The following INSL6 variants were observed in gnomAD, a reference collection of about 807,000 sequenced individuals.
INSL6 encodes insulin like 6.
INSL6 carries 16 observed loss-of-function variants against 9.4 expected under a neutral mutation model. The observed-to-expected ratio is 1.70, with a 90% confidence interval of 1.15 to 2.59. The LOEUF (loss-of-function observed/expected upper bound fraction) is 2.59. Among genes scored for constraint, INSL6 ranks in the 30% most tolerant of loss-of-function variants. The pLI is 0.00. For synonymous variants in INSL6, 154 were observed against 96.9 expected (o/e 1.59, Z -3.46); for missense variants, 391 against 257.3 (o/e 1.52, Z -3.56).
the INSL6 span, among the ~76,000 whole-genome samples, chr9:5,023,305 G>A: frequency 6.6e-6 from 1 of 152,160 alleles, no homozygotes; most frequent in African/African-American, 2.4e-5. Context: ...ATGACCTTCA[G>A]TTCCATCCAT....
chr9:5,022,270 A>G, the INSL6 span: 6 of 1,147,150 alleles, frequency 5.2e-6, no homozygotes, highest in Admixed American at 1.8e-5. Context: ...TAATTATGCT[A>G]TGCTAATACT....
the INSL6 span, among the ~76,000 whole-genome samples, chr9:5,064,158 C>T: frequency 4.9e-3 from 734 of 150,136 alleles, 8 homozygotes; most frequent in African/African-American, 0.017. Context: ...TCTGACTGGG[C>T]GGGGGCCACA....
At chr9:5,167,926 G>A (rs1400367933) in intron 1 of INSL6, among the ~76,000 whole-genome samples, 1 of 152,148 alleles carries the variant, frequency 6.6e-6, no homozygotes, top group Non-Finnish European at 1.5e-5. Flanking sequence ...TGGGGTGGAA[G>A]AAACCAAGGT....
chr9:5,172,617 A>C (rs1237244756), intron 1 of INSL6, among the ~76,000 whole-genome samples: 2 of 152,204 alleles, frequency 1.3e-5, no homozygotes, highest in Non-Finnish European at 2.9e-5. Context: ...TTTACAAGAA[A>C]AAACAAACAA....
At chr9:5,059,532 A>G in the INSL6 span, among the ~76,000 whole-genome samples, 4 of 152,118 alleles carry the variant, frequency 2.6e-5, no homozygotes, top group South Asian at 2.1e-4. Context: ...ATTCTTATAC[A>G]TATTTTTTGG....
At chr9:4,996,741 T>G in the INSL6 span, among the ~76,000 whole-genome samples, 1 of 152,118 alleles carries the variant, frequency 6.6e-6, no homozygotes, top group Admixed American at 6.5e-5. Context: ...GTAAGTATTC[T>G]GCGATAATTG....
chr9:5,084,953 G>A, the INSL6 span: 9 of 660,736 alleles, frequency 1.4e-5, no homozygotes, highest in East Asian at 3.9e-4. Context: ...AAAATTCTTA[G>A]GCACAGTCTG....
chr9:5,105,738 G>A, the INSL6 span, among the ~76,000 whole-genome samples: 1 of 152,162 alleles, frequency 6.6e-6, no homozygotes, highest in East Asian at 1.9e-4. Context: ...GAACAGAACA[G>A]AGGCCTCAGA....
the INSL6 span, chr9:5,077,612 CTATTT>C: frequency 7.3e-7 from 1 of 1,367,812 alleles, no homozygotes; most frequent in Non-Finnish European, 9.7e-7. Flanking sequence ...TCAAAAGATA[CTATTT>C]TATTTTATAA....
the INSL6 span, among the ~76,000 whole-genome samples, chr9:4,993,266 A>G: frequency 6.6e-6 from 1 of 152,202 alleles, no homozygotes; most frequent in Non-Finnish European, 1.5e-5. Context: ...GAAAGGATCT[A>G]TGAGGTACTG....
the INSL6 span, among the ~76,000 whole-genome samples, chr9:5,080,892 C>CTTTTTTTT: frequency 3.1e-5 from 3 of 95,586 alleles, no homozygotes; most frequent in Non-Finnish European, 3.9e-5. Flanking sequence ...AAGACCTTTT[C>CTTTTTTTT]TTTTTTTTTT....
At chr9:5,103,500 T>A in the INSL6 span, among the ~76,000 whole-genome samples, 1 of 152,100 alleles carries the variant, frequency 6.6e-6, no homozygotes, top group Admixed American at 6.5e-5. Context: ...CTGTCAATAA[T>A]AGACAGATCA....
chr9:5,142,300 G>C (rs368928759), intron 2 of INSL6, among the ~76,000 whole-genome samples: 1 of 152,204 alleles, frequency 6.6e-6, no homozygotes, highest in South Asian at 2.1e-4. Flanking sequence ...AGATTGCTTT[G>C]GGCAGTAGGG....
the INSL6 span, chr9:5,110,198 C>T: frequency 1.3e-5 from 2 of 152,244 alleles, no homozygotes; most frequent in African/African-American, 4.8e-5. Flanking sequence ...CAGCCTCAGC[C>T]CTGCTCCACT....
chr9:5,112,983 C>G, the INSL6 span: 1 of 188,656 alleles, frequency 5.3e-6, no homozygotes, highest in East Asian at 1.2e-4. Flanking sequence ...CAACACCGAC[C>G]TGATGAGGCT....
At chr9:5,086,878 A>G in the INSL6 span, among the ~76,000 whole-genome samples, 27 of 152,300 alleles carry the variant, frequency 1.8e-4, no homozygotes, top group South Asian at 1.9e-3. Context: ...AAGCGCGTTT[A>G]AATGTTCATA....
At chr9:5,085,584 A>C in the INSL6 span, 1 of 689,132 alleles carries the variant, frequency 1.5e-6, no homozygotes, top group South Asian at 1.6e-5. Flanking sequence ...TTTGTGCCCC[A>C]CCTATAGATA....
chr9:5,132,607 A>T (rs558982508), intron 3 of INSL6, among the ~76,000 whole-genome samples: 63 of 152,284 alleles, frequency 4.1e-4, no homozygotes, highest in Middle Eastern at 3.4e-3. Context: ...TTCTACATAG[A>T]CATTCACCCA....
downstream of INSL6, among the ~76,000 whole-genome samples, chr9:5,123,302 A>G (rs765681524): frequency 6.6e-6 from 1 of 151,626 alleles, no homozygotes; most frequent in Non-Finnish European, 1.5e-5. Context: ...CTCAGCATCT[A>G]CTCCACCAAT....
Sources: allele counts gnomAD v4.1 joint callset (sites outside exome capture counted in the v4.1 genomes callset), GRCh38; gene constraint gnomAD v4.1.1; transcripts MANE v1.5; gene names NCBI Gene and HGNC (gene_info 2026-07-23, HGNC 2026-07-21).